Variants in ANK2 observed in about 807,000 individuals in gnomAD.
The protein encoded by ANK2 is ankyrin 2, also known as ankyrin-2.
ANK2 carries 83 observed loss-of-function variants against 360.5 expected under a neutral mutation model. The observed-to-expected ratio is 0.23, with a 90% CI of 0.19 to 0.28. ANK2 has a LOEUF of 0.28. ANK2 is among the 10% of genes least tolerant of loss of function. The pLI is 1.00. For missense variants in ANK2, 4,201 were observed against 4,795.7 expected, an observed-to-expected ratio of 0.88 and a Z score of 3.66; for synonymous variants, 1,740 against 1,759.5, an observed-to-expected ratio of 0.99 and a Z score of 0.28.
the ANK2 span, among the ~76,000 whole-genome samples, chr4:112,765,748 A>G: frequency 6.8e-5 from 10 of 147,148 alleles, no homozygotes; most frequent in Non-Finnish European, 1.2e-4. Flanking sequence ...CTGTGTTGTC[A>G]GGGTCTGTCT....
At chr4:113,152,513 A>G (rs1441073326) in intron 1 of ANK2, among the ~76,000 whole-genome samples, 3 of 152,202 alleles carry the variant, frequency 2.0e-5, no homozygotes, top group African/African-American at 7.2e-5. Context: ...GGCATATTAT[A>G]TCACATTTGA....
chr4:113,115,934 G>C (rs189197019), intron 1 of ANK2, among the ~76,000 whole-genome samples: 1 of 152,262 alleles, frequency 6.6e-6, no homozygotes, highest in East Asian at 1.9e-4. Context: ...TATTGGGAAG[G>C]AACGTCCATA....
Position 112,957,241 on chromosome 4 carries a change from A to G in ANK2, c.21+52727A>G, listed in dbSNP as rs1454004762. Among the ~76,000 whole-genome samples the G allele has an allele frequency of 5.9e-5, 9 of 151,952 alleles. No homozygotes were observed. The South Asian group carries it at 8.3e-4, about 14-fold the overall frequency. ...CTTAACGAGCATGCTGCCTTCAAGC[A>G]TCTGTTTAACAAAGCACATCTTGCA... On this transcript the variant is annotated intron_variant, in intron 2 of 30. Coordinates refer to the ANK2 transcript ENST00000503271.
chr4:113,028,255 T>C (rs2059680799), intron 2 of ANK2, among the ~76,000 whole-genome samples: 1 of 152,060 alleles, frequency 6.6e-6, no homozygotes, highest in Admixed American at 6.6e-5. Flanking sequence ...GGTAATGACC[T>C]TTGGGATGAG....
chr4:113,233,104 C>CTTTT lies in ANK2; in HGVS notation c.483+846_483+847insTTTT, dbSNP rs1563056547. Among the ~76,000 whole-genome samples the CTTTT allele has an allele frequency of 4.4e-4, 13 of 29,296 alleles. 6 individuals carry two copies. The highest frequency in any genetic ancestry group is 5.8e-4 in the Non-Finnish European group (9 of 15,494). The allele number at this position is 29,296 out of a possible 152,430, so 19.2% of individuals were successfully genotyped here. A position where few individuals can be genotyped will look rare whatever the true frequency, so the allele number is the denominator to read the frequency against. ...ACCAGAGTATATGGGCTTGGCTTTT[C>CTTTT]TGTTTTTTTTTTTTTTTTTTTTTTT... On this transcript the variant is annotated intron_variant, in intron 5 of 45. Coordinates refer to ENST00000357077, the MANE Select transcript of ANK2 (RefSeq NM_001148.6).
chr4:113,373,170 G>T lies in ANK2; in HGVS notation c.11691G>T (p.Lys3897Asn). Residue 3897 changes from lysine (K) to asparagine (N), a missense_variant, in exon 44 of 46, where the codon AAG (lysine) becomes AAT (asparagine). By Grantham distance (94) the Lys-to-Asn change is moderately conservative. Around this residue, in one of 4 missense-constraint regions of ANK2, gnomAD observed 2,642 missense variants for 2,714.5 expected, o/e 0.97. Coordinates refer to ENST00000357077, the MANE Select transcript of ANK2 (RefSeq NM_001148.6). ...ATGAGCATGGACACACCGTGGTAAA[G>T]AAGGTATTGTCTAGTATATCCTAAC... ...YIDEHGHTVV[K>N]KVTRKIIRRY... 1.2e-6 allele frequency: 2 copies of T among 1,614,004 alleles called. No individual in the cohort carries two copies. The highest frequency in any genetic ancestry group is 2.2e-5 in the South Asian group (2 of 91,084).
chr4:113,050,888 T>C (rs1430506654), intron 1 of ANK2, among the ~76,000 whole-genome samples: 1 of 152,228 alleles, frequency 6.6e-6, no homozygotes, highest in Admixed American at 6.5e-5. Context: ...ATCTAAAGAT[T>C]GTAAATAATT....
chr4:112,796,880 TAGA>T, the ANK2 span, among the ~76,000 whole-genome samples: 2 of 152,192 alleles, frequency 1.3e-5, no homozygotes, highest in South Asian at 2.1e-4. Flanking sequence ...ACTCTTTAAG[TAGA>T]AGAAGTTAAA....
chr4:113,318,730 G>A, intron 26 of ANK2, 110 bp downstream of exon 26: 1 of 894,096 alleles, frequency 1.1e-6, no homozygotes, highest in East Asian at 2.7e-5. Flanking sequence ...CAGTGGAGGT[G>A]CCCTTTGTTT....
At chr4:113,151,726 T>C (rs1346989781) in intron 1 of ANK2, among the ~76,000 whole-genome samples, 1 of 152,114 alleles carries the variant, frequency 6.6e-6, no homozygotes, top group East Asian at 1.9e-4. Flanking sequence ...TGTTATTCTC[T>C]ATATCAAGTT....
At chr4:112,816,770 G>C (rs2055678916), upstream of ANK2, among the ~76,000 whole-genome samples, 1 of 152,190 alleles carries the variant, frequency 6.6e-6, no homozygotes, top group Non-Finnish European at 1.5e-5. Flanking sequence ...CAGCACTTTG[G>C]GAAGCCGAGG....
intron 30 of ANK2, 193 bp from the exon 31 acceptor site, chr4:113,336,384 C>T (rs936274831): frequency 3.6e-5 from 22 of 612,192 alleles, no homozygotes; most frequent in African/African-American, 3.3e-4. Flanking sequence ...CATCAGAGAT[C>T]GTGGATCTTA....
At position 113,343,114 on chromosome 4, in the gene ANK2, A is replaced by G. The variant is rs200648573; in HGVS notation, c.4220A>G (p.Lys1407Arg). 103 of 1,613,696 alleles carry G rather than the reference A, an allele frequency of 6.4e-5. No individual in the cohort carries two copies. Among genetic ancestry groups the G allele is most frequent in the Non-Finnish European group, 4.7e-5 (56 of 1,179,778 alleles). The change falls in exon 34 of 46, where the codon AAA becomes AGA. Residue 1407 changes from lysine (K) to arginine (R), a missense_variant. Transcript: ENST00000357077. ...QHHIFSFFAF[K>R]ENRLPLFVKV... ...CATATATTCAGTTTTTTTGCCTTCA[A>G]AGAAAATAGACTTCCTCTATTTGTC...
upstream of ANK2, among the ~76,000 whole-genome samples, chr4:113,045,707 T>C (rs1239105444): frequency 5.3e-5 from 8 of 152,208 alleles, no homozygotes; most frequent in Non-Finnish European, 1.0e-4. Flanking sequence ...TTATGAATTA[T>C]AAAATGCAAA....
At chr4:112,916,070 A>C (rs1247316874) in intron 2 of ANK2, among the ~76,000 whole-genome samples, 1 of 152,198 alleles carries the variant, frequency 6.6e-6, no homozygotes, top group Admixed American at 6.5e-5. Flanking sequence ...TGTGAGTTTC[A>C]TTAAGATAAA....
rs1474754676 is a variant in ANK2 at position 113,293,231 on chromosome 4, CTTG to C, written c.2377-204_2377-202del. On this transcript the variant is annotated intron_variant, in intron 21 of 45. Coordinates refer to ENST00000357077, the MANE Select transcript of ANK2 (RefSeq NM_001148.6). ...ATTAAAAAGAGCAAGCAGATGCAAG[CTTG>C]TTGTGTTACCATGGTGACCTGGCCT... The C allele has an allele frequency of 5.4e-5, 37 of 685,658 alleles. 1 individual carries two copies. The highest frequency in any genetic ancestry group is 1.4e-4 in the East Asian group (5 of 35,920). The allele number at this position is 685,658 out of a possible 1,614,324, so 42.5% of individuals were successfully genotyped here.
the ANK2 span, among the ~76,000 whole-genome samples, chr4:112,791,736 C>T: frequency 1.3e-5 from 2 of 152,162 alleles, no homozygotes; most frequent in Non-Finnish European, 2.9e-5. Context: ...TGTGATCCGC[C>T]CACCTCGGCC....
At position 113,353,698 on chromosome 4, in the gene ANK2, C is replaced by T. The variant is rs1588902250; in HGVS notation, c.5080C>T (p.His1694Tyr). 6.2e-7 allele frequency: 1 copy of T among 1,613,684 alleles called. No homozygotes were observed. The highest frequency in any genetic ancestry group is 8.5e-7 in the Non-Finnish European group (1 of 1,179,958). ...TGAGACACAGAGTACACAGAAACAG[C>T]ACAAACCAAGCTTGGGAATAAAGAA... is the stretch of plus-strand genomic sequence containing the variant. ...PDETQSTQKQ[H>Y]KPSLGIKKPV... is the part of the protein sequence containing the mutation. The change falls in exon 38 of 46, where the codon CAC (histidine) becomes TAC (tyrosine). Residue 1694 changes from histidine to tyrosine, a missense_variant. By Grantham distance (83) the His-to-Tyr change is moderately conservative. Transcript: ENST00000357077.
At chr4:113,275,994 T>C (rs1243824937) in intron 15 of ANK2, among the ~76,000 whole-genome samples, 2 of 143,130 alleles carry the variant, frequency 1.4e-5, no homozygotes, top group Non-Finnish European at 3.0e-5. Flanking sequence ...CAGGCTGGAG[T>C]ACAGTGGTGC....
Sources: gnomAD v4.1 joint callset for allele counts (sites outside exome capture counted in the v4.1 genomes callset) on GRCh38, gnomAD v4.1.1 for gene constraint, gnomAD v4.1.1 regional missense constraint, MANE v1.5 for transcripts, NCBI Gene and HGNC (gene_info 2026-07-23, HGNC 2026-07-21) for gene names.